The following OTOGL variants were observed in gnomAD, a reference collection of about 807,000 sequenced individuals.
OTOGL encodes otogelin-like protein.
Under a neutral mutation model 318.5 loss-of-function variants are expected in OTOGL, and 285 were observed. The observed-to-expected ratio is 0.89, with a 90% confidence interval of 0.81 to 0.99. OTOGL has a LOEUF of 0.99. OTOGL is among the 50% of genes least tolerant of loss of function. OTOGL has a pLI of 0.00. For missense variants in OTOGL, 2,899 were observed against 2,845.6 expected (o/e 1.02, Z -0.43); for synonymous variants, 987 against 936.5 (o/e 1.05, Z -0.99).
chr12:80,181,844 T>G (rs1028586949), intron 1 of OTOGL, among the ~76,000 whole-genome samples: 1 of 152,128 alleles, frequency 6.6e-6, no homozygotes, highest in Admixed American at 6.6e-5. Context: ...TTCTATAGAA[T>G]TAGGGCCAAT....
At chr12:80,366,061 C>A (rs1253185372) in intron 52 of OTOGL, among the ~76,000 whole-genome samples, 1 of 152,054 alleles carries the variant, frequency 6.6e-6, no homozygotes, top group Non-Finnish European at 1.5e-5. Flanking sequence ...CCATTTATTT[C>A]TCTCAACAAT....
chr12:80,170,178 GGTGTGTGT>G (rs532627744), intron 1 of OTOGL, among the ~76,000 whole-genome samples: 34 of 144,160 alleles, frequency 2.4e-4, no homozygotes, highest in African/African-American at 4.4e-4. Flanking sequence ...CTTTGTCAGG[GGTGTGTGT>G]GTGTGTGTGT....
chr12:80,132,704 C>T (rs1396912069), intron 1 of OTOGL: 1 of 152,176 alleles, frequency 6.6e-6, no homozygotes, highest in South Asian at 2.1e-4. Context: ...GATTCGACCA[C>T]TTACAAATTA....
At chr12:80,304,473 G>A (rs1885977428) in intron 28 of OTOGL, among the ~76,000 whole-genome samples, 1 of 151,914 alleles carries the variant, frequency 6.6e-6, no homozygotes, top group Admixed American at 6.6e-5. Context: ...TTTTGTCAAA[G>A]AAAAATTGGA....
intron 44 of OTOGL, chr12:80,343,741 C>T (rs11114411): frequency 0.5 from 76,373 of 151,490 alleles, 21,909 homozygotes; most frequent in East Asian, 0.72. Flanking sequence ...GCCGAATCAA[C>T]CCTGGCCGTC....
chr12:80,108,798 T>C (rs1308944703), intron 1 of OTOGL, among the ~76,000 whole-genome samples: 2 of 82,672 alleles, frequency 2.4e-5, no homozygotes, highest in East Asian at 3.2e-4. Flanking sequence ...TATATATATA[T>C]ATGTATATAT....
At chr12:80,171,856 A>G (rs1254011555) in intron 1 of OTOGL, among the ~76,000 whole-genome samples, 1 of 151,910 alleles carries the variant, frequency 6.6e-6, no homozygotes, top group Non-Finnish European at 1.5e-5. Flanking sequence ...AATATTCTCT[A>G]TTATTCTTCT....
chr12:80,177,738 A>C (rs928357116), intron 1 of OTOGL, among the ~76,000 whole-genome samples: 1 of 152,112 alleles, frequency 6.6e-6, no homozygotes, highest in Non-Finnish European at 1.5e-5. Flanking sequence ...CCATTTCTTT[A>C]GGTCTTTAAT....
chr12:80,375,969 CA>C (rs1225174634), intron 57 of OTOGL, among the ~76,000 whole-genome samples: 2 of 151,908 alleles, frequency 1.3e-5, no homozygotes, highest in Non-Finnish European at 2.9e-5. Flanking sequence ...GGATGAAAAC[CA>C]AACCAGGTGA....
At chr12:80,200,115 G>A (rs370485982) in intron 1 of OTOGL, among the ~76,000 whole-genome samples, 1 of 152,182 alleles carries the variant, frequency 6.6e-6, no homozygotes, top group Admixed American at 6.6e-5. Flanking sequence ...CTGCATGTGA[G>A]CCTGTGGGGA....
intron 1 of OTOGL, among the ~76,000 whole-genome samples, chr12:80,149,682 C>A (rs1321488568): frequency 6.6e-6 from 1 of 152,208 alleles, no homozygotes. Flanking sequence ...TGCCGCCTTG[C>A]AGTTTGATCT....
intron 1 of OTOGL, among the ~76,000 whole-genome samples, chr12:80,129,317 G>C (rs1426696069): frequency 1.3e-5 from 2 of 152,180 alleles, no homozygotes; most frequent in Admixed American, 1.3e-4. Flanking sequence ...TTCTTTTAGA[G>C]AGTAGAAAGG....
Position 80,355,792 on chromosome 12 carries a change from A to G in OTOGL, c.5650A>G (p.Ile1884Val). The G allele has an allele frequency of 3.1e-6, 5 of 1,613,870 alleles. No homozygotes were observed. Among genetic ancestry groups the G allele is most frequent in the South Asian group, 1.1e-5 (1 of 91,080 alleles). The change falls in exon 47 of 59, where the codon ATT (isoleucine) becomes GTT (valine). Residue 1884 changes from isoleucine (I) to valine (V), a missense_variant. By Grantham distance (29) the Ile-to-Val change is conservative. Transcript: ENST00000547103. ...TGCTGGGGAGATTTGGAATGGGGGC[A>G]TTGATGAATGCACTCTATACAAATG... ...RTAGEIWNGG[I>V]DECTLYKCLE... is the part of the protein sequence containing the mutation.
chr12:80,120,562 T>G (rs2137097636), intron 1 of OTOGL, among the ~76,000 whole-genome samples: 1 of 152,322 alleles, frequency 6.6e-6, no homozygotes, highest in Middle Eastern at 3.4e-3. Context: ...CTAAGGATTC[T>G]CTCTCATTGG....
intron 55 of OTOGL, among the ~76,000 whole-genome samples, chr12:80,369,443 C>G (rs1452151866): frequency 6.6e-6 from 1 of 152,042 alleles, no homozygotes; most frequent in African/African-American, 2.4e-5. Flanking sequence ...CTTACACTTT[C>G]CTTAAGTGCT....
At chr12:80,332,124 GT>G in intron 37 of OTOGL, among the ~76,000 whole-genome samples, 1 of 152,160 alleles carries the variant, frequency 6.6e-6, no homozygotes, top group East Asian at 1.9e-4. Flanking sequence ...GGCTTCTTTT[GT>G]TTAAAAATTA....
intron 1 of OTOGL, among the ~76,000 whole-genome samples, chr12:80,110,828 A>T (rs1296765865): frequency 1.3e-5 from 2 of 152,216 alleles, no homozygotes; most frequent in Non-Finnish European, 2.9e-5. Flanking sequence ...GAATCGCCAC[A>T]CTGTCTTCCA....
chr12:80,250,048 A>G (rs12309094), intron 11 of OTOGL, among the ~76,000 whole-genome samples: 6,482 of 150,800 alleles, frequency 0.043, 475 homozygotes, highest in African/African-American at 0.15. Flanking sequence ...GCACCCACTG[A>G]CCTGCGCCCA....
intron 1 of OTOGL, among the ~76,000 whole-genome samples, chr12:80,130,231 G>A (rs1426752143): frequency 1.3e-5 from 2 of 152,152 alleles, no homozygotes; most frequent in African/African-American, 4.8e-5. Context: ...CTGGATTCAA[G>A]CCAGTTGGGA....
Sources: gnomAD v4.1 joint callset for allele counts (sites outside exome capture counted in the v4.1 genomes callset) on GRCh38, gnomAD v4.1.1 for gene constraint, MANE v1.5 for transcripts, NCBI Gene and HGNC (gene_info 2026-07-23, HGNC 2026-07-21) for gene names.